Variants in TAB2 observed in about 807,000 individuals in gnomAD.
TAB2 encodes the protein TGF-beta-activated kinase 1 and MAP3K7-binding protein 2.
TAB2 carries 3 observed loss-of-function variants against 65.0 expected under a neutral mutation model. That is an observed-to-expected ratio of 0.05 (90% CI 0.02 to 0.12). The LOEUF is 0.12. Ranked by LOEUF, TAB2 falls within the 10% of genes least tolerant of loss-of-function variation. The pLI, the probability that TAB2 is intolerant of heterozygous loss-of-function variation, is 1.00. For missense variants in TAB2, 623 were observed against 840.3 expected, an observed-to-expected ratio of 0.74 and a Z score of 3.20; for synonymous variants, 298 against 285.1, an observed-to-expected ratio of 1.05 and a Z score of -0.46.
chr6:149,275,764 C>T (rs1008006857), intron 1 of TAB2, among the ~76,000 whole-genome samples: 2 of 152,174 alleles, frequency 1.3e-5, no homozygotes, highest in African/African-American at 2.4e-5. Flanking sequence ...GAGACTCTCA[C>T]GTTGACTATG....
chr6:149,341,301 G>A (rs1015154867), intron 1 of TAB2, among the ~76,000 whole-genome samples: 1 of 151,992 alleles, frequency 6.6e-6, no homozygotes, highest in Non-Finnish European at 1.5e-5. Flanking sequence ...GGCTATTCTG[G>A]AAGATAATCA....
chr6:149,321,599 A>G (rs1779457747), intron 1 of TAB2, among the ~76,000 whole-genome samples: 1 of 152,200 alleles, frequency 6.6e-6, no homozygotes, highest in South Asian at 2.1e-4. Flanking sequence ...ATGCCAGAAT[A>G]ATGATCCCAC....
intron 1 of TAB2, among the ~76,000 whole-genome samples, chr6:149,339,801 G>A (rs951949356): frequency 6.6e-6 from 1 of 151,882 alleles, no homozygotes; most frequent in Non-Finnish European, 1.5e-5. Context: ...GTTTTACCAT[G>A]TTGGCCAAGC....
intron 1 of TAB2, chr6:149,245,108 C>T (rs149635882): frequency 1.4e-4 from 21 of 152,316 alleles, no homozygotes; most frequent in South Asian, 6.2e-4. Context: ...ACACTCATAA[C>T]CACGATGCTA....
rs1275450907 is a variant in TAB2 at position 149,349,940 on chromosome 6, C to G, written c.-89-19969C>G. Among the ~76,000 whole-genome samples, 4 of 151,948 alleles carry G rather than the reference C, an allele frequency of 2.6e-5. No individual in the cohort carries two copies. The East Asian group carries it at 5.8e-4, about 22-fold the overall frequency. The stretch of plus-strand genomic sequence containing the variant: ...ACATACATGCATGCATTCATTCATT[C>G]ATTCATTCAGAGATGGAGTCTCACT... On this transcript the variant is annotated intron_variant, in intron 1 of 6. Coordinates refer to ENST00000637181, the MANE Select transcript of TAB2 (RefSeq NM_001292034.3).
At chr6:149,306,564 A>C (rs1310592698) in intron 1 of TAB2, among the ~76,000 whole-genome samples, 1 of 151,042 alleles carries the variant, frequency 6.6e-6, no homozygotes, top group Non-Finnish European at 1.5e-5. Context: ...TCTCAAAAAA[A>C]AAAAAAAAAC....
chr6:149,362,844 C>T (rs1780896133), intron 1 of TAB2, among the ~76,000 whole-genome samples: 2 of 151,974 alleles, frequency 1.3e-5, no homozygotes, highest in Admixed American at 1.3e-4. Flanking sequence ...GAAAATAATT[C>T]ATCTAATCTA....
At chr6:149,226,565 T>C (rs748645446) in intron 1 of TAB2, among the ~76,000 whole-genome samples, 1 of 152,256 alleles carries the variant, frequency 6.6e-6, no homozygotes, top group Non-Finnish European at 1.5e-5. Flanking sequence ...TGGTAAAAAC[T>C]GTTTTATCTT....
chr6:149,265,748 C>T (rs9498274), intron 1 of TAB2, among the ~76,000 whole-genome samples: 3,246 of 152,288 alleles, frequency 0.021, 100 homozygotes, highest in African/African-American at 0.075. Context: ...CACGCGCGAG[C>T]CTGCCTTGGT....
At chr6:149,312,009 T>C (rs1276278832) in intron 1 of TAB2, among the ~76,000 whole-genome samples, 1 of 152,248 alleles carries the variant, frequency 6.6e-6, no homozygotes, top group East Asian at 1.9e-4. Flanking sequence ...CTACAATATG[T>C]CATGAAAGGA....
intron 1 of TAB2, among the ~76,000 whole-genome samples, chr6:149,368,667 G>GTA (rs1457703050): frequency 2.6e-5 from 4 of 151,924 alleles, no homozygotes; most frequent in African/African-American, 9.7e-5. Context: ...GTGTGTGTGT[G>GTA]TGTGTGTGTG....
chr6:149,346,869 A>G (rs1487421096), intron 1 of TAB2, among the ~76,000 whole-genome samples: 3 of 152,174 alleles, frequency 2.0e-5, no homozygotes, highest in African/African-American at 7.2e-5. Context: ...ATAAATGTTT[A>G]TGGTTGGTGT....
Position 149,369,947 on chromosome 6 carries a change from A to G in TAB2, c.-51A>G, listed in dbSNP as rs1478709474. 6.7e-7 allele frequency: 1 copy of G among 1,484,626 alleles called. No individual in the cohort carries two copies. Among genetic ancestry groups the G allele is most frequent in the Non-Finnish European group, 9.4e-7 (1 of 1,062,110 alleles). 92.0% of individuals were successfully genotyped at this position (1,484,626 alleles called of 1,614,324 possible). On this transcript the variant is annotated 5_prime_UTR_variant, in exon 2 of 7. Transcript: ENST00000637181. ...AGAAGAGATGAGTACTATTTCCACT[A>G]AGGCCTAGAATTGCCTACTGTACAA... is the stretch of plus-strand genomic sequence containing the variant.
At chr6:149,284,695 A>AC (rs1778638365) in intron 1 of TAB2, among the ~76,000 whole-genome samples, 6 of 139,934 alleles carry the variant, frequency 4.3e-5, no homozygotes, top group Non-Finnish European at 8.0e-5. Flanking sequence ...CACACACACA[A>AC]GAATATAAAC....
intron 1 of TAB2, among the ~76,000 whole-genome samples, chr6:149,338,540 A>T (rs1163153341): frequency 5.9e-5 from 9 of 152,228 alleles, no homozygotes; most frequent in Admixed American, 5.9e-4. Flanking sequence ...TTGAGGAGGG[A>T]AACTAGTATT....
At chr6:149,365,641 C>G (rs551499774) in intron 1 of TAB2, among the ~76,000 whole-genome samples, 1 of 151,984 alleles carries the variant, frequency 6.6e-6, no homozygotes, top group African/African-American at 2.4e-5. Flanking sequence ...TATTTTAAAT[C>G]TGTAAATTTA....
intron 1 of TAB2, chr6:149,220,974 G>T (rs1355094565): frequency 6.6e-6 from 1 of 152,062 alleles, no homozygotes; most frequent in Non-Finnish European, 1.5e-5. Context: ...TTGTATCATT[G>T]GCAACAAATA....
intron 1 of TAB2, among the ~76,000 whole-genome samples, chr6:149,260,728 A>G (rs1778136585): frequency 6.6e-6 from 1 of 152,110 alleles, no homozygotes; most frequent in Non-Finnish European, 1.5e-5. Context: ...CTGAGAAGGG[A>G]GCCTGCTGGG....
chr6:149,317,062 C>T (rs473451), upstream of TAB2, among the ~76,000 whole-genome samples: 58,585 of 150,172 alleles, frequency 0.39, 11,498 homozygotes, highest in East Asian at 0.47. This position sits in a 1 kb window ranked among gnomAD's most constrained non-coding sequence, Gnocchi z 4.7. Context: ...CCCCGGACCC[C>T]ACCCGCGCGG....
Sources: allele counts gnomAD v4.1 joint callset (sites outside exome capture counted in the v4.1 genomes callset), GRCh38; gene constraint gnomAD v4.1.1; non-coding constraint Gnocchi (gnomAD v3.1); transcripts MANE v1.5; gene names NCBI Gene and HGNC (gene_info 2026-07-23, HGNC 2026-07-21).